The following TTN variants were observed in gnomAD, a reference collection of about 807,000 sequenced individuals.
TTN encodes connectin.
A neutral mutation model predicts 3,223.0 loss-of-function variants in TTN; 1,525 were observed. The ratio of observed to expected loss-of-function variants is 0.47; its 90% CI spans 0.45 to 0.49. The LOEUF is 0.49. TTN is among the 20% of genes least tolerant of loss of function. TTN has a pLI of 0.00. For synonymous variants in TTN, 14,094 were observed against 15,161.0 expected (o/e 0.93, Z 5.17); for missense variants, 40,786 against 43,424.0 (o/e 0.94, Z 5.40).
In TTN at chr2:178,612,353, T is replaced by A; in HGVS notation, c.50172A>T (p.Arg16724=). Residue 16724 remains arginine (R), a synonymous_variant, in exon 266 of 363, where the codon CGA becomes CGT. Coordinates refer to ENST00000589042, the MANE Select transcript of TTN (RefSeq NM_001267550.2). The part of the protein sequence containing the change: ...PLTEGSLYVF[R]VAAENAIGQS... ...GTCCTATAGCATTTTCTGCAGCAAC[T>A]CGGAACACATATAAAGAGCCCTCAG... 6.2e-7 allele frequency: 1 copy of A among 1,612,500 alleles called. No individual in the cohort carries two copies. Among genetic ancestry groups the A allele is most frequent in the Non-Finnish European group, 8.5e-7 (1 of 1,179,184 alleles).
intron 210 of TTN, 56 bp from the exon 211 acceptor site, chr2:178,649,950 C>T: frequency 6.4e-7 from 1 of 1,551,178 alleles, no homozygotes; most frequent in Non-Finnish European, 8.8e-7. Flanking sequence ...AAATTTAATG[C>T]TAATGAATGA....
At position 178,622,666 on chromosome 2, in the gene TTN, A is replaced by T; in HGVS notation, c.44913+4T>A. ...TACAAGATGACAGGTATACAGTCAC[A>T]GACCTTAGCATTTTCTCGGGAAAGT... On this transcript the variant is annotated splice_donor_region_variant and intron_variant, in intron 243 of 362. Coordinates refer to ENST00000589042, the MANE Select transcript of TTN (RefSeq NM_001267550.2). The T allele has an allele frequency of 1.2e-6, 2 of 1,600,924 alleles. No individual in the cohort carries two copies. Among genetic ancestry groups the T allele is most frequent in the Non-Finnish European group, 1.7e-6 (2 of 1,172,778 alleles).
chr2:178,771,244 T>C lies in TTN; in HGVS notation c.8083A>G (p.Thr2695Ala). ...DIGEYTYKVA[T>A]SKTSAKLKVE... ...TTGAGTTTGGCAGATGTTTTGGAGG[T>C]GGCCACCTTGTAGGTATATTCTCCA... The change falls in exon 34 of 363, where the codon ACC (threonine) becomes GCC (alanine). Residue 2695 changes from threonine (T) to alanine (A), a missense_variant. Transcript: ENST00000589042. 1.2e-6 allele frequency: 2 copies of C among 1,614,120 alleles called. No individual in the cohort carries two copies. The highest frequency in any genetic ancestry group is 1.7e-6 in the Non-Finnish European group (2 of 1,180,012).
In TTN at chr2:178,649,228, T is replaced by C. The variant is rs2062517730; in HGVS notation, c.40057+20A>G. 2.0e-6 allele frequency: 3 copies of C among 1,489,830 alleles called. No individual in the cohort carries two copies. Among genetic ancestry groups the C allele is most frequent in the Non-Finnish European group, 2.7e-6 (3 of 1,120,730 alleles). 92.3% of individuals were successfully genotyped at this position (1,489,830 alleles called of 1,614,324 possible). A position where few individuals can be genotyped will look rare whatever the true frequency, so the allele number is the denominator to read the frequency against. On this transcript the variant is annotated intron_variant, in intron 213 of 362. Coordinates refer to ENST00000589042, the MANE Select transcript of TTN (RefSeq NM_001267550.2). The stretch of plus-strand genomic sequence containing the variant: ...TTAAATAGCAGTTAGAGAAATCTAT[T>C]TTTTCTTCATGGTAGGTACCTTTTT...
intron 135 of TTN, 39 bp downstream of exon 135, chr2:178,682,658 A>T: frequency 6.5e-7 from 1 of 1,537,580 alleles, no homozygotes; most frequent in East Asian, 2.3e-5. Flanking sequence ...GAGTGTGCAC[A>T]TATTTAGTGT....
At chr2:178,748,002 C>A (rs1309184979) in intron 47 of TTN, 21 of 1,612,836 alleles carry the variant, frequency 1.3e-5, no homozygotes, top group Non-Finnish European at 1.8e-5. Context: ...TCCTGTGTCC[C>A]ACCATCCTGC....
Position 178,548,065 on chromosome 2 carries a change from C to T in TTN, c.93561G>A (p.Lys31187=). ...VEKTEYEFRV[K]AKNDAGYSEP... is the part of the protein sequence containing the mutation. ...CACTATAGCCAGCATCATTCTTGGC[C>T]TTCACACGGAATTCATATTCAGTTT... is the stretch of plus-strand genomic sequence containing the variant. Residue 31187 remains lysine (K), a synonymous_variant, in exon 339 of 363, where the codon AAG becomes AAA. Transcript: ENST00000589042. This position sits in a 1 kb window ranked among gnomAD's most constrained non-coding sequence, Gnocchi z 4.3. The T allele has an allele frequency of 1.9e-6, 3 of 1,613,826 alleles. No homozygotes were observed. The highest frequency in any genetic ancestry group is 1.3e-5 in the African/African-American group (1 of 74,998).
chr2:178,534,746 T>G lies in TTN; in HGVS notation c.101869A>C (p.Ile33957Leu). ...YQTRRSSTIK[I>L]IEFGQARQLK... ...TGACGGGCTTGACCAAATTCTATGA[T>G]TTTAATGGTAGAGCTTCTTCTGGTT... is the stretch of plus-strand genomic sequence containing the variant. The change falls in exon 358 of 363, where the codon ATC becomes CTC. Residue 33957 changes from isoleucine to leucine, a missense_variant. Physicochemically the swap from Ile to Leu is conservative, Grantham distance 5. Coordinates refer to ENST00000589042, the MANE Select transcript of TTN (RefSeq NM_001267550.2). 1 of 1,613,846 alleles carries G rather than the reference T, an allele frequency of 6.2e-7. No homozygotes were observed. Among genetic ancestry groups the G allele is most frequent in the Non-Finnish European group, 8.5e-7 (1 of 1,179,794 alleles).
At chr2:178,679,242 T>A in intron 142 of TTN, 97 bp downstream of exon 142, 1 of 1,292,288 alleles carries the variant, frequency 7.7e-7, no homozygotes, top group Non-Finnish European at 1.1e-6. Flanking sequence ...ATTAATGTTG[T>A]TAATATTGTC....
In TTN at chr2:178,786,016, C is replaced by A. The variant is rs1403444808; in HGVS notation, c.2202G>T (p.Glu734Asp). ...EESYAQQTTL[E>D]YGYKERISAA... ...CGGAAATGCGTTCCTTATATCCGTA[C>A]TCCAAAGTGGTCTGCTGAGCATAGG... is the stretch of plus-strand genomic sequence containing the variant. The change falls in exon 14 of 363, where the codon GAG becomes GAT. Residue 734 changes from glutamate (E) to aspartate (D), a missense_variant. Physicochemically the swap from Glu to Asp is conservative, Grantham distance 45. Coordinates refer to ENST00000589042, the MANE Select transcript of TTN (RefSeq NM_001267550.2). 3 of 1,614,028 alleles carry A rather than the reference C, an allele frequency of 1.9e-6. No individual in the cohort carries two copies. The highest frequency in any genetic ancestry group is 8.5e-7 in the Non-Finnish European group (1 of 1,180,006).
chr2:178,758,747 A>G (rs1400622387), intron 44 of TTN: 3 of 555,546 alleles, frequency 5.4e-6, no homozygotes, highest in African/African-American at 1.9e-5. Context: ...GCAGCAATAC[A>G]TTACAAATTG....
At chr2:178,647,571 G>A (rs1576895975) in intron 213 of TTN, 107 bp from the exon 214 acceptor site, 1 of 1,047,680 alleles carries the variant, frequency 9.5e-7, no homozygotes, top group Non-Finnish European at 1.4e-6. Flanking sequence ...TAGATTTCAT[G>A]GGGAAAATGG....
At chr2:178,622,885 T>C in intron 242 of TTN, 118 bp from the exon 243 acceptor site, 1 of 771,516 alleles carries the variant, frequency 1.3e-6, no homozygotes, top group South Asian at 1.6e-5. Flanking sequence ...CTTAATAGAC[T>C]ACAACTGACT....
Position 178,598,756 on chromosome 2 carries a change from T to A in TTN, c.56954A>T (p.Asp18985Val). The change falls in exon 291 of 363, where the codon GAT becomes GTT. Residue 18985 changes from aspartate (D) to valine (V), a missense_variant. Physicochemically the swap from Asp to Val is radical, Grantham distance 152. Coordinates refer to ENST00000589042, the MANE Select transcript of TTN (RefSeq NM_001267550.2). ...ATGGTTTCCAGGCTTACCAATTGGATCTCTAGCAGTCGCTGGGTCTGATGG... is the reference window on the plus strand; with the variant it reads ...ATGGTTTCCAGGCTTACCAATTGGAACTCTAGCAGTCGCTGGGTCTGATGG... Reference protein sequence around the residue: ...SLPSDPATARDPIAPPGPPFP... With the variant: ...SLPSDPATARVPIAPPGPPFP... 1 of 1,612,306 alleles carries A rather than the reference T, an allele frequency of 6.2e-7. No homozygotes were observed. Among genetic ancestry groups the A allele is most frequent in the Non-Finnish European group, 8.5e-7 (1 of 1,179,236 alleles).
At chr2:178,794,641 A>C (rs1319883213) in intron 7 of TTN, 90 bp from the exon 8 acceptor site, 9 of 1,475,828 alleles carry the variant, frequency 6.1e-6, no homozygotes, top group Non-Finnish European at 8.5e-6. Context: ...AGCCACCTAG[A>C]GCAAAATACA....
chr2:178,620,678 T>A, intron 247 of TTN, 37 bp downstream of exon 247: 1 of 1,604,632 alleles, frequency 6.2e-7, no homozygotes, highest in Admixed American at 1.7e-5. Context: ...TAACAGAAAC[T>A]GATGAAAAAA....
intron 350 of TTN, among the ~76,000 whole-genome samples, chr2:178,540,654 T>C (rs953450843): frequency 2.0e-5 from 3 of 151,856 alleles, no homozygotes; most frequent in Admixed American, 6.6e-5. Context: ...AAATTAGCCA[T>C]GCGTGGTGGC....
chr2:178,647,520 C>T, intron 213 of TTN, 56 bp from the exon 214 acceptor site: 4 of 1,517,264 alleles, frequency 2.6e-6, no homozygotes, highest in Non-Finnish European at 3.6e-6. Flanking sequence ...GCAAGATTGT[C>T]TAAAGAGCAG....
At chr2:178,692,439 A>C in intron 120 of TTN, 58 bp downstream of exon 120, 2 of 1,434,090 alleles carry the variant, frequency 1.4e-6, no homozygotes, top group Non-Finnish European at 1.9e-6. Context: ...CACAGATCTT[A>C]TAGAAAAAGA....
Sources: allele counts gnomAD v4.1 joint callset (sites outside exome capture counted in the v4.1 genomes callset), GRCh38; gene constraint gnomAD v4.1.1; non-coding constraint Gnocchi (gnomAD v3.1); transcripts MANE v1.5; gene names NCBI Gene and HGNC (gene_info 2026-07-23, HGNC 2026-07-21).